Variants in CLDN16 observed in about 807,000 individuals in gnomAD.
CLDN16 encodes claudin 16.
Under a neutral mutation model 24.6 loss-of-function variants are expected in CLDN16, and 13 were observed. The observed-to-expected ratio is 0.53, with a 90% CI of 0.34 to 0.84. The LOEUF is 0.84. CLDN16 is among the 40% of genes least tolerant of loss of function. The pLI, the probability that CLDN16 is intolerant of heterozygous loss-of-function variation, is 0.01. For synonymous variants in CLDN16, 116 were observed against 106.7 expected (o/e 1.09, Z -0.54); for missense variants, 298 against 292.7 (o/e 1.02, Z -0.13).
At chr3:190,346,439 A>T (rs1398710655) in intron 1 of CLDN16, among the ~76,000 whole-genome samples, 1 of 152,206 alleles carries the variant, frequency 6.6e-6, no homozygotes. Context: ...GCGTTTTAAC[A>T]GTTTTGATCT....
intron 3 of CLDN16, among the ~76,000 whole-genome samples, chr3:190,377,853 A>G (rs1718278484): frequency 6.6e-6 from 1 of 151,542 alleles, no homozygotes; most frequent in Non-Finnish European, 1.5e-5. Flanking sequence ...TCCTGGGAAA[A>G]TACTTGCCTG....
chr3:190,368,817 C>T lies in CLDN16; in HGVS notation n.122-2076C>T, dbSNP rs112129621. Among the ~76,000 whole-genome samples the T allele has an allele frequency of 9.8e-3, 1,490 of 152,000 alleles. 11 individuals are homozygous for T. The highest frequency in any genetic ancestry group is 0.016 in the Non-Finnish European group (1,073 of 67,868). ...TACAAATGCTTACAATTCCACCTTT[C>T]CTCTGTATTTTTTCCCTTTTCTAAG... On this transcript the variant is annotated intron_variant and non_coding_transcript_variant, in intron 1 of 4. Transcript: ENST00000468220.
the CLDN16 span, chr3:190,313,039 G>A: frequency 1.9e-6 from 3 of 1,614,048 alleles, no homozygotes; most frequent in Non-Finnish European, 2.5e-6. Flanking sequence ...CAATGTGCCT[G>A]GCAGAAAACA....
intron 1 of CLDN16, among the ~76,000 whole-genome samples, chr3:190,398,741 C>A (rs17445530): frequency 6.6e-6 from 1 of 151,970 alleles, no homozygotes; most frequent in Non-Finnish European, 1.5e-5. Flanking sequence ...ATTTATATTG[C>A]GTGTGTATTT....
At chr3:190,333,531 CATCTATCTATCT>C (rs71947568) in intron 1 of CLDN16, among the ~76,000 whole-genome samples, 9,244 of 143,614 alleles carry the variant, frequency 0.064, 345 homozygotes, top group African/African-American at 0.086. Context: ...ATCAGTCTAT[CATCTATCTATCT>C]ATCTATCTAT....
At chr3:190,308,295 G>A in the CLDN16 span, 18 of 1,613,572 alleles carry the variant, frequency 1.1e-5, no homozygotes, top group Admixed American at 1.3e-4. Flanking sequence ...AGTCTTTCCC[G>A]CTGGAAGGTG....
At chr3:190,300,160 G>A in the CLDN16 span, among the ~76,000 whole-genome samples, 1 of 152,048 alleles carries the variant, frequency 6.6e-6, no homozygotes, top group Non-Finnish European at 1.5e-5. Flanking sequence ...GAGTTGAGGG[G>A]TCGTGGGGGC....
chr3:190,321,969 T>C, upstream of CLDN16: 1 of 1,608,602 alleles, frequency 6.2e-7, no homozygotes, highest in Non-Finnish European at 8.5e-7. Flanking sequence ...CGCTGTGAGG[T>C]GGGGGTGCAC....
At chr3:190,330,045 C>G (rs969138147) in intron 1 of CLDN16, among the ~76,000 whole-genome samples, 7 of 147,498 alleles carry the variant, frequency 4.7e-5, no homozygotes, top group East Asian at 1.9e-4. Context: ...CGTCCCCCCT[C>G]CACCAGCATC....
Position 190,329,627 on chromosome 3 carries a change from T to A in CLDN16, n.121+6966T>A, listed in dbSNP as rs150646762. Among the ~76,000 whole-genome samples the A allele has an allele frequency of 3.9e-5, 6 of 152,240 alleles. No homozygotes were observed. The East Asian group carries it at 1.2e-3, about 29-fold the overall frequency. On this transcript the variant is annotated intron_variant and non_coding_transcript_variant, in intron 1 of 4. Transcript: ENST00000468220. ...ATAATAAGACTTGGAACCAGGAAGA[T>A]TGATGAGGAAAAGTGGGTATTAGAC...
At chr3:190,392,220 C>A (rs1718697538) in intron 1 of CLDN16, among the ~76,000 whole-genome samples, 1 of 151,828 alleles carries the variant, frequency 6.6e-6, no homozygotes, top group Non-Finnish European at 1.5e-5. Context: ...ATACACTCTC[C>A]CTTCCTTCAT....
the CLDN16 span, among the ~76,000 whole-genome samples, chr3:190,293,631 A>G: frequency 2.0e-5 from 3 of 152,350 alleles, no homozygotes; most frequent in Admixed American, 6.5e-5. Context: ...TTGGACTAAT[A>G]TCCAATTGAG....
rs116557354 is a variant in CLDN16, at chr3:190,349,234, T to C, written n.122-21659T>C. Among the ~76,000 whole-genome samples, 1,503 of 152,258 alleles carry C rather than the reference T, an allele frequency of 9.9e-3. 33 individuals are homozygous for C. The highest frequency in any genetic ancestry group is 0.035 in the African/African-American group (1,437 of 41,524). ...GGCGATTGGATCATGGGGATGAATT[T>C]CCCCTTGTTGTTCTCATGATAGTGA... On this transcript the variant is annotated intron_variant and non_coding_transcript_variant, in intron 1 of 4. Coordinates refer to the CLDN16 transcript ENST00000468220.
chr3:190,298,897 A>G, the CLDN16 span, among the ~76,000 whole-genome samples: 2 of 152,202 alleles, frequency 1.3e-5, no homozygotes, highest in African/African-American at 4.8e-5. Flanking sequence ...CAGTTTTCTT[A>G]CTGTAGCTAT....
intron 1 of CLDN16, among the ~76,000 whole-genome samples, chr3:190,366,548 T>C (rs567652336): frequency 6.6e-6 from 1 of 152,062 alleles, no homozygotes; most frequent in South Asian, 2.1e-4. Context: ...TACTAACCAG[T>C]GCTCATCCAA....
the CLDN16 span, among the ~76,000 whole-genome samples, chr3:190,300,451 G>T: frequency 6.6e-6 from 1 of 152,116 alleles, no homozygotes; most frequent in African/African-American, 2.4e-5. Context: ...GTCAGACCAG[G>T]CTGTATTTGT....
At chr3:190,345,593 T>C (rs966541666) in intron 1 of CLDN16, among the ~76,000 whole-genome samples, 1 of 152,192 alleles carries the variant, frequency 6.6e-6, no homozygotes, top group African/African-American at 2.4e-5. Flanking sequence ...CTCTTTATCA[T>C]AAGCAGCATA....
At chr3:190,309,716 C>A in the CLDN16 span, among the ~76,000 whole-genome samples, 1 of 152,096 alleles carries the variant, frequency 6.6e-6, no homozygotes, top group Admixed American at 6.6e-5. Context: ...AATAGCTTTA[C>A]GTGTAAAAAT....
intron 1 of CLDN16, among the ~76,000 whole-genome samples, chr3:190,391,941 A>T (rs1201561021): frequency 2.6e-5 from 4 of 151,920 alleles, no homozygotes; most frequent in African/African-American, 9.7e-5. Flanking sequence ...TTTCAAGCGT[A>T]TGTTTGCATC....
Sources: gnomAD v4.1 joint callset for allele counts (sites outside exome capture counted in the v4.1 genomes callset) on GRCh38, gnomAD v4.1.1 for gene constraint, MANE v1.5 for transcripts, NCBI Gene and HGNC (gene_info 2026-07-23, HGNC 2026-07-21) for gene names.